BRD8: variants seen among roughly 807,000 people sequenced by gnomAD.
The protein encoded by BRD8 is bromodomain-containing protein 8.
BRD8 carries 67 observed loss-of-function variants against 143.1 expected under a neutral mutation model. The observed-to-expected ratio is 0.47, with a 90% CI of 0.38 to 0.57. The LOEUF (loss-of-function observed/expected upper bound fraction) is 0.57. Among genes scored for constraint, BRD8 ranks in the 20% least tolerant of loss-of-function variants. The pLI is 0.00. For missense variants in BRD8, 1,103 were observed against 1,503.0 expected, an observed-to-expected ratio of 0.73 and a Z score of 4.40; for synonymous variants, 505 against 517.1, an observed-to-expected ratio of 0.98 and a Z score of 0.32.
intron 22 of BRD8, among the ~76,000 whole-genome samples, chr5:138,150,184 C>T (rs906043498): frequency 6.6e-6 from 1 of 150,854 alleles, no homozygotes; most frequent in Admixed American, 6.6e-5. Context: ...GTAGCATCAT[C>T]ATGGCTCACT....
intron 20 of BRD8, chr5:138,156,871 A>G (rs1400408203): frequency 9.6e-7 from 1 of 1,044,268 alleles, no homozygotes; most frequent in African/African-American, 1.9e-5. Context: ...CACACACAGA[A>G]CAAGCCAAAG....
chr5:138,167,259 C>T (rs1753513464), intron 9 of BRD8, among the ~76,000 whole-genome samples: 1 of 151,816 alleles, frequency 6.6e-6, no homozygotes, highest in Non-Finnish European at 1.5e-5. Flanking sequence ...CAGAGCAAGG[C>T]TCTGTCTCAA....
chr5:138,163,464 G>C, intron 14 of BRD8, 120 bp from the exon 15 acceptor site: 1 of 1,366,792 alleles, frequency 7.3e-7, no homozygotes, highest in Non-Finnish European at 1.0e-6. Context: ...GCTGTTTCCT[G>C]ACTCAGCTGT....
Position 138,140,788 on chromosome 5 carries a change from T to G in BRD8, c.3532A>C (p.Asn1178His). 1 of 1,614,148 alleles carries G rather than the reference T, an allele frequency of 6.2e-7. No individual in the cohort carries two copies. The highest frequency in any genetic ancestry group is 8.5e-7 in the Non-Finnish European group (1 of 1,180,022). Residue 1178 changes from asparagine to histidine, a missense_variant, in exon 26 of 27, where the codon AAT becomes CAT. This residue lies in a region of BRD8 where 369 missense variants were observed against 445.5 expected (regional missense o/e 0.83). Coordinates refer to ENST00000254900, the MANE Select transcript of BRD8 (RefSeq NM_139199.2). ...FLRDLMLMFQNAVMYNDSDHH... is the reference protein window; with the variant it reads ...FLRDLMLMFQHAVMYNDSDHH... ...TCAGAGTCATTGTACATTACAGCAT[T>G]TTGGAACATCAGCATCAGGTCTCGC...
At position 138,165,146 on chromosome 5, in the gene BRD8, C is replaced by T. The variant is rs1371611989; in HGVS notation, c.1299G>A (p.Val433=). The change falls in exon 12 of 27, where the codon GTG becomes GTA. Residue 433 remains valine (V), a synonymous_variant. Coordinates refer to ENST00000254900, the MANE Select transcript of BRD8 (RefSeq NM_139199.2). The part of the protein sequence containing the change: ...IEDKVDDHPE[V]LDVAAVEAAL... ...CTGCTTCCACTGCTGCCACATCCAG[C>T]ACTTCAGGATGATCATCTACCTGTC... 1 of 1,613,988 alleles carries T rather than the reference C, an allele frequency of 6.2e-7. No homozygotes were observed. The highest frequency in any genetic ancestry group is 1.1e-5 in the South Asian group (1 of 91,074).
In BRD8 at chr5:138,165,046, G is replaced by A. The variant is rs531423228; in HGVS notation, c.1399C>T (p.Arg467Trp). Residue 467 changes from arginine to tryptophan, a missense_variant, in exon 12 of 27, where the codon CGG (arginine) becomes TGG (tryptophan). Coordinates refer to ENST00000254900, the MANE Select transcript of BRD8 (RefSeq NM_139199.2). ...GPWEHPIQQE[R>W]DKPVPLPAPE... ...GCAGGGAGAGGTACTGGCTTGTCCC[G>A]CTCCTGCTGGATAGGATGCTCCCAG... The A allele has an allele frequency of 4.3e-6, 7 of 1,614,070 alleles. No individual in the cohort carries two copies. Among genetic ancestry groups the A allele is most frequent in the African/African-American group, 1.3e-5 (1 of 74,998 alleles).
At chr5:138,176,883 GAGACCAGCCTAGGAAAC>G (rs944648906) in intron 2 of BRD8, among the ~76,000 whole-genome samples, 1 of 151,592 alleles carries the variant, frequency 6.6e-6, no homozygotes, top group African/African-American at 2.4e-5. Context: ...GCAGGAGTTC[GAGACCAGCCTAGGAAAC>G]ATGATGAAAC....
chr5:138,163,769 TTC>T, intron 14 of BRD8: 1 of 708,160 alleles, frequency 1.4e-6, no homozygotes, highest in Non-Finnish European at 2.2e-6. Context: ...CTCTGGATGA[TTC>T]TCTTTGGATA....
intron 7 of BRD8, 66 bp from the exon 8 acceptor site, chr5:138,169,424 T>A (rs1247657359): frequency 6.4e-7 from 1 of 1,556,934 alleles, no homozygotes. Flanking sequence ...GACACTAGTC[T>A]GCTATTATAC....
At chr5:138,165,524 G>C (rs1561612588) in intron 11 of BRD8, among the ~76,000 whole-genome samples, 1 of 152,106 alleles carries the variant, frequency 6.6e-6, no homozygotes. Flanking sequence ...CCAGGAGTTT[G>C]AGACCAGCCT....
chr5:138,148,690 ATTT>A (rs956513259), intron 23 of BRD8, among the ~76,000 whole-genome samples: 1 of 151,922 alleles, frequency 6.6e-6, no homozygotes. Context: ...TTAAAAAAAA[ATTT>A]TTTTATCCTC....
chr5:138,162,283 C>T, intron 15 of BRD8, 137 bp from the exon 16 acceptor site: 2 of 651,372 alleles, frequency 3.1e-6, no homozygotes, highest in South Asian at 4.0e-5. Context: ...ATTGCACCCT[C>T]AACCTCCCAG....
chr5:138,164,054 A>G (rs776301673), intron 14 of BRD8, 33 bp downstream of exon 14: 2 of 1,602,708 alleles, frequency 1.2e-6, no homozygotes, highest in Non-Finnish European at 1.7e-6. Context: ...ATCTAATCAC[A>G]TGGCAAGAGG....
At chr5:138,168,250 C>A (rs999573281) in intron 8 of BRD8, among the ~76,000 whole-genome samples, 172 bp from the exon 9 acceptor site, 13 of 152,200 alleles carry the variant, frequency 8.5e-5, no homozygotes, top group Non-Finnish European at 1.3e-4. Context: ...ACTTATTTGA[C>A]AAGAGTTCTC....
chr5:138,161,089 TAA>T, intron 17 of BRD8, 21 bp from the exon 18 acceptor site: 1 of 1,590,502 alleles, frequency 6.3e-7, no homozygotes, highest in Non-Finnish European at 8.6e-7. Context: ...AGAACAGGGG[TAA>T]GTAGCAGTGG....
intron 9 of BRD8, 198 bp from the exon 10 acceptor site, chr5:138,166,925 G>A: frequency 1.9e-6 from 1 of 518,030 alleles, no homozygotes; most frequent in South Asian, 2.0e-5. Context: ...ATGAACCAAA[G>A]CACTAGAACA....
intron 21 of BRD8, among the ~76,000 whole-genome samples, chr5:138,151,836 TAA>T (rs1752382872): frequency 6.6e-6 from 1 of 151,448 alleles, no homozygotes; most frequent in Non-Finnish European, 1.5e-5. Flanking sequence ...GCTAATTTTT[TAA>T]TTTTAATTTT....
intron 23 of BRD8, among the ~76,000 whole-genome samples, chr5:138,146,142 C>G (rs1752140021): frequency 6.6e-6 from 1 of 151,706 alleles, no homozygotes; most frequent in African/African-American, 2.4e-5. Flanking sequence ...ACTGCAACCT[C>G]TGCCTCCCGG....
At chr5:138,152,781 A>G (rs1169376112) in intron 20 of BRD8, 21 bp from the exon 21 acceptor site, 2 of 1,596,848 alleles carry the variant, frequency 1.3e-6, no homozygotes, top group African/African-American at 2.7e-5. Context: ...ACAGGAAAAC[A>G]TGCATTAAAT....
Sources: gnomAD v4.1 joint callset for allele counts (sites outside exome capture counted in the v4.1 genomes callset) on GRCh38, gnomAD v4.1.1 for gene constraint, gnomAD v4.1.1 regional missense constraint, MANE v1.5 for transcripts, NCBI Gene and HGNC (gene_info 2026-07-23, HGNC 2026-07-21) for gene names.